KCNJ6: variants seen among roughly 807,000 people sequenced by gnomAD.
KCNJ6 encodes the protein G protein-activated inward rectifier potassium channel 2.
Under a neutral mutation model 34.2 loss-of-function variants are expected in KCNJ6, and 9 were observed. That is an observed-to-expected ratio of 0.26 (90% CI 0.16 to 0.46). The LOEUF is 0.46. Ranked by LOEUF, KCNJ6 falls within the 20% of genes least tolerant of loss-of-function variation. KCNJ6 has a pLI of 1.00. For synonymous variants in KCNJ6, 196 were observed against 207.1 expected (o/e 0.95, Z 0.46); for missense variants, 236 against 531.3 (o/e 0.44, Z 5.46).
chr21:37,857,271 G>C (rs1164701026), intron 1 of KCNJ6, among the ~76,000 whole-genome samples: 1 of 152,174 alleles, frequency 6.6e-6, no homozygotes, highest in East Asian at 1.9e-4. Context: ...GGATAAAGGT[G>C]GTGAGTGAGA....
At chr21:37,772,220 C>G (rs902858054) in intron 2 of KCNJ6, among the ~76,000 whole-genome samples, 3 of 152,080 alleles carry the variant, frequency 2.0e-5, no homozygotes, top group Non-Finnish European at 2.9e-5. Flanking sequence ...ATATTCATGT[C>G]CTAATCTCAA....
At chr21:37,847,364 G>A (rs144970846) in intron 1 of KCNJ6, among the ~76,000 whole-genome samples, 1 of 148,326 alleles carries the variant, frequency 6.7e-6, no homozygotes, top group East Asian at 2.0e-4. Flanking sequence ...GAGTAGAGTT[G>A]AGCATGAAAC....
At chr21:37,892,998 G>T (rs558892392) in intron 1 of KCNJ6, among the ~76,000 whole-genome samples, 1 of 147,194 alleles carries the variant, frequency 6.8e-6, no homozygotes, top group Non-Finnish European at 1.5e-5. Flanking sequence ...GACTACAGGC[G>T]CCCGCCACCC....
At chr21:37,837,517 C>A (rs1421960786) in intron 2 of KCNJ6, among the ~76,000 whole-genome samples, 1 of 152,154 alleles carries the variant, frequency 6.6e-6, no homozygotes, top group African/African-American at 2.4e-5. Flanking sequence ...ATTTGCTTAG[C>A]CATTGATGTG....
At chr21:37,840,520 T>C in intron 2 of KCNJ6, 138 bp downstream of exon 2, 1 of 610,394 alleles carries the variant, frequency 1.6e-6, no homozygotes, top group Non-Finnish European at 2.9e-6. Flanking sequence ...CATGATGCAG[T>C]GTGTGTGAAA....
chr21:37,688,667 C>T (rs995465482), intron 3 of KCNJ6, among the ~76,000 whole-genome samples: 22 of 152,260 alleles, frequency 1.4e-4, no homozygotes, highest in East Asian at 1.9e-4. Context: ...TCTGTGATAT[C>T]GGACTCAATG....
intron 3 of KCNJ6, among the ~76,000 whole-genome samples, chr21:37,706,842 A>T (rs1050099943): frequency 1.3e-5 from 2 of 152,246 alleles, no homozygotes; most frequent in African/African-American, 4.8e-5. Context: ...TCTAAATTGG[A>T]ACATCAGCTG....
chr21:37,678,524 T>G (rs2054577063), intron 3 of KCNJ6, among the ~76,000 whole-genome samples: 1 of 152,130 alleles, frequency 6.6e-6, no homozygotes, highest in Non-Finnish European at 1.5e-5. Context: ...AAAGCCTCCA[T>G]GATAGGCAGT....
chr21:37,818,273 C>A (rs1484171492), intron 2 of KCNJ6, among the ~76,000 whole-genome samples: 1 of 150,164 alleles, frequency 6.7e-6, no homozygotes, highest in African/African-American at 2.5e-5. Context: ...AGTTTCCTTC[C>A]TTCCTAAAGG....
intron 3 of KCNJ6, among the ~76,000 whole-genome samples, chr21:37,634,830 C>T (rs932566196): frequency 3.3e-5 from 5 of 150,734 alleles, no homozygotes; most frequent in Admixed American, 1.3e-4. Context: ...ATGATCTTGG[C>T]TCATTGCAGT....
chr21:37,756,182 G>A (rs79546043), intron 2 of KCNJ6, among the ~76,000 whole-genome samples: 3,349 of 152,264 alleles, frequency 0.022, 111 homozygotes, highest in African/African-American at 0.075. Context: ...AGTGTCTGTG[G>A]CTCCTTTAGG....
intron 1 of KCNJ6, among the ~76,000 whole-genome samples, chr21:37,913,082 T>C (rs1189467632): frequency 1.3e-5 from 2 of 152,204 alleles, no homozygotes; most frequent in Non-Finnish European, 2.9e-5. Context: ...AGGCATTCTA[T>C]TTCAAATATG....
At chr21:37,833,133 G>GCC (rs2055434953) in intron 2 of KCNJ6, among the ~76,000 whole-genome samples, 1 of 152,084 alleles carries the variant, frequency 6.6e-6, no homozygotes, top group South Asian at 2.1e-4. Flanking sequence ...TCCTGCCTCA[G>GCC]CCTCCAGAAT....
chr21:37,656,976 G>C (rs777838093), intron 3 of KCNJ6, among the ~76,000 whole-genome samples: 1 of 152,192 alleles, frequency 6.6e-6, no homozygotes, highest in Non-Finnish European at 1.5e-5. Flanking sequence ...CAGTGATGGC[G>C]CTGTCCTGTT....
At chr21:37,876,010 G>C (rs565968988) in intron 1 of KCNJ6, among the ~76,000 whole-genome samples, 12 of 152,292 alleles carry the variant, frequency 7.9e-5, no homozygotes, top group Non-Finnish European at 1.8e-4. Flanking sequence ...ACATTTAATG[G>C]GCTCAGAACC....
chr21:37,716,893 T>C (rs570389414), intron 2 of KCNJ6, among the ~76,000 whole-genome samples: 1 of 152,324 alleles, frequency 6.6e-6, no homozygotes, highest in African/African-American at 2.4e-5. Context: ...TCCTCCAGAC[T>C]TAAATTCTGT....
chr21:37,640,748 A>G (rs974077012), intron 3 of KCNJ6, among the ~76,000 whole-genome samples: 3 of 152,128 alleles, frequency 2.0e-5, no homozygotes, highest in Non-Finnish European at 2.9e-5. Context: ...CCTTCATTTC[A>G]TTGTCCCTCA....
chr21:37,636,986 T>G (rs2054360851), intron 3 of KCNJ6, among the ~76,000 whole-genome samples: 1 of 152,238 alleles, frequency 6.6e-6, no homozygotes, highest in African/African-American at 2.4e-5. Context: ...AAAACAGAAC[T>G]GATTGTAGAC....
chr21:37,884,047 T>C (rs1333075620), intron 1 of KCNJ6, among the ~76,000 whole-genome samples: 1 of 152,164 alleles, frequency 6.6e-6, no homozygotes, highest in African/African-American at 2.4e-5. Context: ...TCCTGAAAAG[T>C]GTTCCAGAAG....
Sources: allele counts gnomAD v4.1 joint callset (sites outside exome capture counted in the v4.1 genomes callset), GRCh38; gene constraint gnomAD v4.1.1; transcripts MANE v1.5; gene names NCBI Gene and HGNC (gene_info 2026-07-23, HGNC 2026-07-21).